Variants in MAMLD1 observed in about 807,000 individuals in gnomAD.
MAMLD1 encodes mastermind-like domain-containing protein 1.
Under a neutral mutation model 45.0 loss-of-function variants are expected in MAMLD1, and 14 were observed. The ratio of observed to expected loss-of-function variants is 0.31; its 90% CI spans 0.21 to 0.49. The LOEUF (loss-of-function observed/expected upper bound fraction) is 0.49, where lower values mean the gene tolerates loss of function less well. Among genes scored for constraint, MAMLD1 ranks in the 20% least tolerant of loss-of-function variants. MAMLD1 has a pLI of 0.99. For synonymous variants in MAMLD1, 254 were observed against 247.8 expected (o/e 1.02, Z -0.24); for missense variants, 543 against 603.6 (o/e 0.90, Z 1.05).
At chrX:150,501,424 C>T (rs2037548870) in intron 5 of MAMLD1, among the ~76,000 whole-genome samples, 1 of 112,314 alleles carries the variant, frequency 8.9e-6, no homozygotes, top group African/African-American at 3.2e-5. Flanking sequence ...TAACCTTGCT[C>T]CAAGGACAAA....
chrX:150,502,284 G>T (rs782129686), intron 5 of MAMLD1, among the ~76,000 whole-genome samples: 2 of 112,285 alleles, frequency 1.8e-5, no homozygotes, highest in African/African-American at 6.5e-5. Flanking sequence ...TTCTCCACTG[G>T]GATGTTTGCT....
chrX:150,396,148 A>ATTTT (rs2033406271), intron 1 of MAMLD1, among the ~76,000 whole-genome samples: 1 of 63,962 alleles, frequency 1.6e-5, no homozygotes, highest in Non-Finnish European at 3.0e-5. Context: ...ATACCTGGCT[A>ATTTT]ATTTTTTTTT....
chrX:150,469,425 T>A (rs1557406158), intron 3 of MAMLD1, among the ~76,000 whole-genome samples: 1 of 112,116 alleles, frequency 8.9e-6, no homozygotes, highest in African/African-American at 3.2e-5. Context: ...CATAATGCCT[T>A]ATTTGAAATG....
At chrX:150,428,151 C>G (rs2034779160) in intron 1 of MAMLD1, among the ~76,000 whole-genome samples, 2 of 111,054 alleles carry the variant, frequency 1.8e-5, no homozygotes, top group South Asian at 7.7e-4. Context: ...GTATGGGTGG[C>G]TAAGGGCTCC....
intron 1 of MAMLD1, among the ~76,000 whole-genome samples, chrX:150,415,876 A>G (rs1557403029): frequency 2.7e-5 from 3 of 112,528 alleles, no homozygotes; most frequent in Non-Finnish European, 5.6e-5. Context: ...GGTGCTACAG[A>G]TTTCGATTTT....
intron 1 of MAMLD1, among the ~76,000 whole-genome samples, chrX:150,428,375 C>A (rs926674398): frequency 8.9e-6 from 1 of 112,627 alleles, no homozygotes; most frequent in Admixed American, 9.3e-5. Context: ...AATATAAAAT[C>A]GAAAGTTGAA....
chrX:150,364,148 C>T lies in MAMLD1; in HGVS notation c.-64+618C>T, dbSNP rs2031195377. Among the ~76,000 whole-genome samples the T allele has an allele frequency of 2.7e-5, 3 of 113,152 alleles. No individual in the cohort carries two copies. The South Asian group carries it at 1.1e-3, about 40-fold the overall frequency. On this transcript the variant is annotated intron_variant, in intron 1 of 7. Coordinates refer to ENST00000370401, the MANE Select transcript of MAMLD1 (RefSeq NM_005491.5). The stretch of plus-strand genomic sequence containing the variant: ...CAGCCCGGACTGGGTTCCTGCGGAG[C>T]AGCCCCGGCGCCCCTGCGTCAGAGT...
intron 1 of MAMLD1, among the ~76,000 whole-genome samples, chrX:150,368,694 G>T (rs1557400872): frequency 8.9e-6 from 1 of 111,814 alleles, no homozygotes; most frequent in Non-Finnish European, 1.9e-5. Flanking sequence ...TATGGTTTTA[G>T]GTCTCACATT....
chrX:150,401,027 G>A (rs1324402681), intron 1 of MAMLD1, among the ~76,000 whole-genome samples: 6 of 111,309 alleles, frequency 5.4e-5, no homozygotes, highest in Non-Finnish European at 1.1e-4. Context: ...AGTTTCAGAA[G>A]GAATGGAACC....
At chrX:150,458,851 A>G (rs1045753277) in intron 2 of MAMLD1, among the ~76,000 whole-genome samples, 3 of 111,301 alleles carry the variant, frequency 2.7e-5, no homozygotes, top group Non-Finnish European at 3.8e-5. Flanking sequence ...CAAGAGTTGC[A>G]GGGGGTGGGG....
At chrX:150,366,623 C>G (rs1557400735) in intron 1 of MAMLD1, among the ~76,000 whole-genome samples, 3 of 112,016 alleles carry the variant, frequency 2.7e-5, no homozygotes, top group Middle Eastern at 4.6e-3. Flanking sequence ...AAAGTAACAG[C>G]CCTCTTTTCA....
At chrX:150,395,921 A>T (rs2033393888) in intron 1 of MAMLD1, among the ~76,000 whole-genome samples, 1 of 107,021 alleles carries the variant, frequency 9.3e-6, no homozygotes. Flanking sequence ...CCTGTTTTTA[A>T]TTTCTGCTCT....
chrX:150,393,175 T>C (rs1557402204), intron 1 of MAMLD1, among the ~76,000 whole-genome samples: 3 of 112,209 alleles, frequency 2.7e-5, no homozygotes, highest in Admixed American at 1.9e-4. Context: ...TTTTCCAGAA[T>C]GTCATATAGT....
chrX:150,388,969 G>A (rs868962311), intron 1 of MAMLD1, among the ~76,000 whole-genome samples: 1 of 111,780 alleles, frequency 8.9e-6, no homozygotes, highest in East Asian at 2.8e-4. Context: ...TGCTTTTAGT[G>A]CTATACATTT....
In MAMLD1 at chrX:150,470,228, A is replaced by G; in HGVS notation, c.655A>G (p.Thr219Ala). Residue 219 changes from threonine to alanine, a missense_variant, in exon 4 of 8, where the codon ACA becomes GCA. Physicochemically the swap from Thr to Ala is moderately conservative, Grantham distance 58 (BLOSUM62 0). Transcript: ENST00000370401. Reference protein sequence around the residue: ...VLDHPQATLSTTPKPSVQMSH... With the variant: ...VLDHPQATLSATPKPSVQMSH... ...AGATCATCCCCAGGCAACCCTAAGC[A>G]CAACTCCCAAGCCTTCGGTTCAGAT... 1 of 1,211,907 alleles carries G rather than the reference A, an allele frequency of 8.3e-7. No individual in the cohort carries two copies.
intron 1 of MAMLD1, among the ~76,000 whole-genome samples, chrX:150,371,474 C>T (rs1375993248): frequency 9.0e-6 from 1 of 111,013 alleles, no homozygotes; most frequent in Non-Finnish European, 1.9e-5. Context: ...TCATTGGAGG[C>T]CACAGCACCT....
At chrX:150,454,446 A>C (rs2035774256) in intron 2 of MAMLD1, among the ~76,000 whole-genome samples, 1 of 112,083 alleles carries the variant, frequency 8.9e-6, no homozygotes, top group Non-Finnish European at 1.9e-5. Context: ...CCTTTCCTGT[A>C]GTTAAATTTG....
At chrX:150,402,838 C>T (rs201692923) in intron 1 of MAMLD1, among the ~76,000 whole-genome samples, 5 of 110,220 alleles carry the variant, frequency 4.5e-5, no homozygotes, top group Non-Finnish European at 7.6e-5. Flanking sequence ...AACCAAACAC[C>T]GTATGTTCTC....
At chrX:150,450,004 GA>G (rs1246169935) in intron 2 of MAMLD1, among the ~76,000 whole-genome samples, 10 of 111,620 alleles carry the variant, frequency 9.0e-5, no homozygotes, top group Admixed American at 7.6e-4. Flanking sequence ...ACACAGGCAG[GA>G]AGTTGTAGAT....
Sources: allele counts gnomAD v4.1 joint callset (sites outside exome capture counted in the v4.1 genomes callset), GRCh38; gene constraint gnomAD v4.1.1; transcripts MANE v1.5; gene names NCBI Gene and HGNC (gene_info 2026-07-23, HGNC 2026-07-21).